Variants in TAOK1 observed in about 807,000 individuals in gnomAD.
TAOK1 encodes TAO kinase 1, also known as serine/threonine-protein kinase TAO1.
A neutral mutation model predicts 138.3 loss-of-function variants in TAOK1; 21 were observed. The ratio of observed to expected loss-of-function variants is 0.15; its 90% CI spans 0.11 to 0.22. TAOK1 has a LOEUF of 0.22. TAOK1 is among the 10% of genes least tolerant of loss of function. TAOK1 has a pLI of 1.00. For synonymous variants in TAOK1, 361 were observed against 398.4 expected (o/e 0.91, Z 1.12); for missense variants, 651 against 1,227.7 (o/e 0.53, Z 7.02).
chr17:29,501,423 C>CAAAAAA (rs34004946), intron 12 of TAOK1, among the ~76,000 whole-genome samples: 1 of 109,024 alleles, frequency 9.2e-6, no homozygotes. Flanking sequence ...GACCCTGTCT[C>CAAAAAA]AAAAAAAAAA....
chr17:29,431,606 G>A (rs1252883901), intron 1 of TAOK1, among the ~76,000 whole-genome samples: 1 of 151,798 alleles, frequency 6.6e-6, no homozygotes, highest in Non-Finnish European at 1.5e-5. Context: ...GGAGACATAC[G>A]GTTTTATAAG....
At chr17:29,419,874 TG>T (rs1320967976) in intron 1 of TAOK1, among the ~76,000 whole-genome samples, 3 of 151,960 alleles carry the variant, frequency 2.0e-5, no homozygotes, top group Non-Finnish European at 2.9e-5. Flanking sequence ...AACATAAAAT[TG>T]TTTTTTTGTT....
intron 18 of TAOK1, among the ~76,000 whole-genome samples, chr17:29,533,827 C>T (rs1261869217): frequency 1.7e-5 from 2 of 114,682 alleles, no homozygotes; most frequent in East Asian, 5.3e-4. Flanking sequence ...AGAGGGAGAC[C>T]GTGGGGAGAG....
Position 29,533,004 on chromosome 17 carries a change from A to G in TAOK1, c.2362-1114A>G, listed in dbSNP as rs59001627. 9.2e-5 allele frequency among the ~76,000 whole-genome samples: 6 copies of G among 65,396 alleles called. 1 individual carries two copies. Among genetic ancestry groups the G allele is most frequent in the South Asian group, 6.7e-4 (1 of 1,482 alleles). 42.9% of individuals were successfully genotyped at this position (65,396 alleles called of 152,430 possible). On this transcript the variant is annotated intron_variant, in intron 18 of 19. Transcript: ENST00000261716. The stretch of plus-strand genomic sequence containing the variant: ...GCAGGGGGCTGACCCCCCCACCTCC[A>G]ACCGGGCGGGGGGCTGACCCCCACC...
At chr17:29,505,894 C>A (rs1369998795) in intron 13 of TAOK1, among the ~76,000 whole-genome samples, 41 of 152,150 alleles carry the variant, frequency 2.7e-4, no homozygotes, top group Admixed American at 2.6e-3. Flanking sequence ...GAGATCGTGC[C>A]ACTGTACTCC....
rs562318159 is a variant in TAOK1 at position 29,504,233 on chromosome 17, C to T, written c.1338+1510C>T. ...TGGAGGTTGCAGTGAGCCGAGATCA[C>T]GCCACTGCACTCCAGCCTGGGTGAC... On this transcript the variant is annotated intron_variant, in intron 13 of 19. Coordinates refer to ENST00000261716, the MANE Select transcript of TAOK1 (RefSeq NM_020791.4). 1.0e-4 allele frequency among the ~76,000 whole-genome samples: 13 copies of T among 129,752 alleles called. No homozygotes were observed. In the South Asian group the frequency reaches 2.6e-3, roughly 26 times the overall value. 85.1% of individuals were successfully genotyped at this position (129,752 alleles called of 152,430 possible).
chr17:29,520,414 A>G (rs2031893098), intron 16 of TAOK1, among the ~76,000 whole-genome samples: 1 of 150,718 alleles, frequency 6.6e-6, no homozygotes, highest in Non-Finnish European at 1.5e-5. Flanking sequence ...ACATCGCAAG[A>G]CCCTGTCTCT....
chr17:29,461,631 CTTTTGGAG>C (rs984991318), intron 2 of TAOK1, among the ~76,000 whole-genome samples: 2 of 152,138 alleles, frequency 1.3e-5, no homozygotes, highest in African/African-American at 4.8e-5. Context: ...TACTACTTGC[CTTTTGGAG>C]AAAAACTTTG....
intron 1 of TAOK1, chr17:29,403,662 C>T (rs1567708554): frequency 2.0e-5 from 3 of 152,010 alleles, no homozygotes; most frequent in African/African-American, 7.2e-5. Context: ...AGTTTTGAGT[C>T]CCAGAGGGGC....
At chr17:29,523,588 GTGTT>G (rs2031958488) in intron 17 of TAOK1, among the ~76,000 whole-genome samples, 1 of 152,002 alleles carries the variant, frequency 6.6e-6, no homozygotes, top group Non-Finnish European at 1.5e-5. Flanking sequence ...GGGGTTCACC[GTGTT>G]AGCCAGGATG....
At chr17:29,533,081 C>T (rs1450109407) in intron 18 of TAOK1, among the ~76,000 whole-genome samples, 3 of 140,624 alleles carry the variant, frequency 2.1e-5, no homozygotes, top group South Asian at 2.4e-4. Flanking sequence ...ACTTCCCAGA[C>T]GGGGTGGCTG....
chr17:29,413,101 CAA>C (rs528261835), intron 1 of TAOK1, among the ~76,000 whole-genome samples: 325 of 152,208 alleles, frequency 2.1e-3, no homozygotes, highest in African/African-American at 7.5e-3. Flanking sequence ...AATTAAGACA[CAA>C]GAGGAATGGC....
At chr17:29,499,115 C>T (rs1373548678) in intron 12 of TAOK1, among the ~76,000 whole-genome samples, 4 of 151,288 alleles carry the variant, frequency 2.6e-5, no homozygotes, top group Non-Finnish European at 5.9e-5. Flanking sequence ...AAATAAAATA[C>T]TAAAAAATAG....
In TAOK1 at chr17:29,548,833, A is replaced by G. The variant is rs2032445148; in HGVS notation, c.*5811A>G. 6.6e-6 allele frequency: 1 copy of G among 152,162 alleles called. No homozygotes were observed. The highest frequency in any genetic ancestry group is 2.1e-4 in the South Asian group (1 of 4,836). 9.4% of individuals were successfully genotyped at this position (152,162 alleles called of 1,614,324 possible). ...TTACCAGTTGTGGTCCTAGCATCTAACCCTGAAACCATCCTAGGTGACATT... is the reference window on the plus strand; with the variant it reads ...TTACCAGTTGTGGTCCTAGCATCTAGCCCTGAAACCATCCTAGGTGACATT... On this transcript the variant is annotated 3_prime_UTR_variant, in exon 20 of 20. Coordinates refer to ENST00000261716, the MANE Select transcript of TAOK1 (RefSeq NM_020791.4).
chr17:29,488,606 T>C (rs2031229900), intron 8 of TAOK1, among the ~76,000 whole-genome samples: 1 of 149,398 alleles, frequency 6.7e-6, no homozygotes, highest in African/African-American at 2.4e-5. Flanking sequence ...ATAATAATAA[T>C]AATTGTTAAT....
In TAOK1 at chr17:29,390,808, C is replaced by T. The variant is rs1365776928; in HGVS notation, c.-311C>T. The T allele has an allele frequency of 2.0e-5, 3 of 151,716 alleles. No homozygotes were observed. Among genetic ancestry groups the T allele is most frequent in the African/African-American group, 4.8e-5 (2 of 41,304 alleles). 9.4% of individuals were successfully genotyped at this position (151,716 alleles called of 1,614,324 possible). ...CAAGCGCTGAGGGCGCCTCCTCGAC[C>T]CCGGTCGTCCCCTCGCCCCCCCCCC... On this transcript the variant is annotated 5_prime_UTR_variant, in exon 1 of 20. Transcript: ENST00000261716.
intron 11 of TAOK1, among the ~76,000 whole-genome samples, chr17:29,496,579 CTTTTTTTTT>C (rs748595265): frequency 1.1e-5 from 1 of 87,858 alleles, no homozygotes; most frequent in East Asian, 4.2e-4. Context: ...CCATCTACAC[CTTTTTTTTT>C]TTTTTTTTTT....
intron 10 of TAOK1, 63 bp downstream of exon 10, chr17:29,491,928 A>T: frequency 7.8e-7 from 1 of 1,287,230 alleles, no homozygotes; most frequent in Non-Finnish European, 1.1e-6. Flanking sequence ...TTTGTCACCC[A>T]GGCTGGAGTG....
At chr17:29,482,065 TA>T in intron 7 of TAOK1, 131 bp from the exon 8 acceptor site, 1 of 609,448 alleles carries the variant, frequency 1.6e-6, no homozygotes. Flanking sequence ...GTTCCCGTTA[TA>T]AAAATTCTTA....
Sources: allele counts gnomAD v4.1 joint callset (sites outside exome capture counted in the v4.1 genomes callset), GRCh38; gene constraint gnomAD v4.1.1; transcripts MANE v1.5; gene names NCBI Gene and HGNC (gene_info 2026-07-23, HGNC 2026-07-21).